The following BMPR2 variants were observed in gnomAD, a reference collection of about 807,000 sequenced individuals.
BMPR2 encodes bone morphogenetic protein receptor type-2.
In BMPR2, 29 loss-of-function variants were observed where a neutral mutation model predicts 100.8. The observed-to-expected ratio is 0.29, with a 90% confidence interval of 0.21 to 0.39. BMPR2 has a LOEUF of 0.39. Ranked by LOEUF, BMPR2 falls within the 10% of genes least tolerant of loss-of-function variation. The pLI is 1.00. For synonymous variants in BMPR2, 382 were observed against 442.3 expected, an observed-to-expected ratio of 0.86 and a Z score of 1.71; for missense variants, 1,011 against 1,274.5, an observed-to-expected ratio of 0.79 and a Z score of 3.15.
At chr2:202,457,887 G>A (rs1419137235) in intron 1 of BMPR2, among the ~76,000 whole-genome samples, 5 of 151,890 alleles carry the variant, frequency 3.3e-5, no homozygotes, top group Admixed American at 6.6e-5. Flanking sequence ...ACGCCACCAC[G>A]CTCGGGTAAT....
At chr2:202,483,055 C>T (rs1032117546) in intron 3 of BMPR2, among the ~76,000 whole-genome samples, 2 of 152,024 alleles carry the variant, frequency 1.3e-5, no homozygotes, top group Non-Finnish European at 2.9e-5. Context: ...TTTAAATAGT[C>T]GCTGTCCTAA....
At chr2:202,455,133 G>T (rs1177317706) in intron 1 of BMPR2, among the ~76,000 whole-genome samples, 8 of 152,028 alleles carry the variant, frequency 5.3e-5, no homozygotes, top group African/African-American at 1.9e-4. Context: ...AATTTGAGGG[G>T]GACACAATTT....
chr2:202,386,019 C>G (rs1454811931), intron 1 of BMPR2, among the ~76,000 whole-genome samples: 1 of 152,022 alleles, frequency 6.6e-6, no homozygotes. Context: ...CTTCATTTGG[C>G]TTTTAAGATA....
At chr2:202,441,684 C>CTCCA (rs2105939680) in intron 1 of BMPR2, among the ~76,000 whole-genome samples, 1 of 135,490 alleles carries the variant, frequency 7.4e-6, no homozygotes, top group South Asian at 2.2e-4. Context: ...CGCCACTGCA[C>CTCCA]TCCAGCCTGG....
chr2:202,422,198 C>T (rs987753576), intron 1 of BMPR2, among the ~76,000 whole-genome samples: 1 of 151,282 alleles, frequency 6.6e-6, no homozygotes, highest in South Asian at 2.1e-4. Context: ...TGAGCCACTG[C>T]ACCCGGCCGT....
In BMPR2 at chr2:202,406,894, C is replaced by T. The variant is rs1012434601; in HGVS notation, c.76+29344C>T. Among the ~76,000 whole-genome samples the T allele has an allele frequency of 2.6e-5, 4 of 151,800 alleles. No homozygotes were observed. The East Asian group carries it at 5.8e-4, about 22-fold the overall frequency. On this transcript the variant is annotated intron_variant, in intron 1 of 12. Coordinates refer to ENST00000374580, the MANE Select transcript of BMPR2 (RefSeq NM_001204.7). ...TGATTAAGGTCTGGGTTAGTATACC[C>T]GAGGAGTCCTGTTCAGGTGTTATTC...
chr2:202,515,846 G>A (rs1224693303), intron 5 of BMPR2, among the ~76,000 whole-genome samples: 2 of 151,978 alleles, frequency 1.3e-5, no homozygotes, highest in African/African-American at 2.4e-5. Context: ...CCAAGATCAC[G>A]CCACTGCACT....
intron 1 of BMPR2, among the ~76,000 whole-genome samples, chr2:202,401,233 C>T (rs184434993): frequency 2.0e-5 from 3 of 152,256 alleles, no homozygotes; most frequent in East Asian, 1.9e-4. Context: ...CTCATCTCCC[C>T]TTTTATATAA....
At chr2:202,463,356 A>T (rs947228994) in intron 1 of BMPR2, among the ~76,000 whole-genome samples, 5 of 152,186 alleles carry the variant, frequency 3.3e-5, no homozygotes, top group African/African-American at 1.2e-4. Context: ...TAGAATATTT[A>T]AACTATTGAT....
intron 1 of BMPR2, among the ~76,000 whole-genome samples, chr2:202,390,000 CAAA>C (rs59969821): frequency 7.6e-6 from 1 of 132,404 alleles, no homozygotes. Context: ...ATGAAGTATA[CAAA>C]AAAAAAAAAA....
intron 1 of BMPR2, among the ~76,000 whole-genome samples, chr2:202,415,003 A>G (rs1376702204): frequency 1.3e-5 from 2 of 152,024 alleles, no homozygotes; most frequent in East Asian, 1.9e-4. Context: ...AAGTGTTGAT[A>G]TTACAGGTGT....
intron 10 of BMPR2, among the ~76,000 whole-genome samples, chr2:202,543,843 T>G (rs181763213): frequency 6.6e-6 from 1 of 152,182 alleles, no homozygotes; most frequent in South Asian, 2.1e-4. Flanking sequence ...TGTGCTTGGA[T>G]TTATAGGAAA....
chr2:202,456,206 G>C (rs1044173243), intron 1 of BMPR2, among the ~76,000 whole-genome samples: 1 of 149,328 alleles, frequency 6.7e-6, no homozygotes, highest in Non-Finnish European at 1.5e-5. Flanking sequence ...AAGTCTTGCC[G>C]TGTCGCCCAG....
chr2:202,519,703 C>T (rs1687786252), intron 6 of BMPR2, among the ~76,000 whole-genome samples: 1 of 152,166 alleles, frequency 6.6e-6, no homozygotes, highest in Admixed American at 6.5e-5. Context: ...GGCACCAATA[C>T]ATAAATGAAT....
chr2:202,400,497 C>T (rs1401612781), intron 1 of BMPR2, among the ~76,000 whole-genome samples: 1 of 151,982 alleles, frequency 6.6e-6, no homozygotes, highest in Non-Finnish European at 1.5e-5. Context: ...TTGAATAATA[C>T]AAAAGCTGAT....
chr2:202,384,972 C>A (rs1690397078), intron 1 of BMPR2, among the ~76,000 whole-genome samples: 3 of 152,044 alleles, frequency 2.0e-5, no homozygotes, highest in Admixed American at 1.3e-4. Context: ...TAATTGGTGT[C>A]AAAAATGTAC....
chr2:202,530,167 A>G (rs1489726005), intron 7 of BMPR2, among the ~76,000 whole-genome samples: 1 of 152,168 alleles, frequency 6.6e-6, no homozygotes, highest in Non-Finnish European at 1.5e-5. Flanking sequence ...AAAGTAATAG[A>G]AGGAGCATAA....
chr2:202,545,413 A>G (rs1688358318), intron 10 of BMPR2, among the ~76,000 whole-genome samples: 1 of 152,078 alleles, frequency 6.6e-6, no homozygotes, highest in South Asian at 2.1e-4. Flanking sequence ...TCCAGAATGT[A>G]ATAAGAGTGA....
At chr2:202,470,072 A>G (rs1448411373) in intron 3 of BMPR2, among the ~76,000 whole-genome samples, 1 of 152,164 alleles carries the variant, frequency 6.6e-6, no homozygotes, top group African/African-American at 2.4e-5. Flanking sequence ...GGCTGGGTGC[A>G]GGGGCTCATA....
Sources: gnomAD v4.1 joint callset for allele counts (sites outside exome capture counted in the v4.1 genomes callset) on GRCh38, gnomAD v4.1.1 for gene constraint, MANE v1.5 for transcripts, NCBI Gene and HGNC (gene_info 2026-07-23, HGNC 2026-07-21) for gene names.